The following ATRX variants were observed in gnomAD, a reference collection of about 807,000 sequenced individuals.
ATRX encodes ATRX chromatin remodeler.
A neutral mutation model predicts 172.6 loss-of-function variants in ATRX; 12 were observed. The ratio of observed to expected loss-of-function variants is 0.07; its 90% CI spans 0.04 to 0.11. The LOEUF (loss-of-function observed/expected upper bound fraction) is 0.11, where lower values mean the gene tolerates loss of function less well. ATRX is among the 10% of genes least tolerant of loss of function. The pLI is 1.00. For synonymous variants in ATRX, 674 were observed against 594.7 expected (o/e 1.13, Z -1.94); for missense variants, 1,368 against 1,767.4 (o/e 0.77, Z 4.05).
At chrX:77,534,145 T>C (rs891184199) in intron 30 of ATRX, among the ~76,000 whole-genome samples, 8 of 111,951 alleles carry the variant, frequency 7.1e-5, no homozygotes, top group Admixed American at 9.5e-5. Context: ...AGTTAACTGG[T>C]TTTTTAAATT....
At chrX:77,691,936 G>C (rs2071913187) in intron 6 of ATRX, among the ~76,000 whole-genome samples, 1 of 111,883 alleles carries the variant, frequency 8.9e-6, no homozygotes, top group Non-Finnish European at 1.9e-5. Flanking sequence ...GGCTATAAAT[G>C]CATGTATTCC....
At position 77,506,889 on chromosome X, in the gene ATRX, C is replaced by G. The variant is rs1557033340; in HGVS notation, c.*1462G>C. On this transcript the variant is annotated 3_prime_UTR_variant, in exon 35 of 35. Transcript: ENST00000373344. ...GTGATACCTAAAGCAAAGCCCAAAC[C>G]CAGTTTTCTTTTTTTTTTTTTTTTT... 1 of 159,429 alleles carries G rather than the reference C, an allele frequency of 6.3e-6. No homozygotes were observed. The highest frequency in any genetic ancestry group is 1.2e-5 in the Non-Finnish European group (1 of 86,124). 13.1% of individuals were successfully genotyped at this position (159,429 alleles called of 1,213,427 possible). A position where few individuals can be genotyped will look rare whatever the true frequency, so the allele number is the denominator to read the frequency against.
intron 1 of ATRX, among the ~76,000 whole-genome samples, chrX:77,745,787 G>T (rs2075048702): frequency 9.0e-6 from 1 of 111,652 alleles, no homozygotes; most frequent in Non-Finnish European, 1.9e-5. Context: ...TTAGAAACTA[G>T]ATTGTTTCTA....
At chrX:77,566,115 C>T (rs927235031) in intron 28 of ATRX, among the ~76,000 whole-genome samples, 1 of 111,134 alleles carries the variant, frequency 9.0e-6, no homozygotes, top group African/African-American at 3.3e-5. Context: ...GAAATAATGA[C>T]TGAAAATTAC....
intron 9 of ATRX, among the ~76,000 whole-genome samples, chrX:77,677,455 T>C (rs781920036): frequency 1.8e-5 from 2 of 111,786 alleles, no homozygotes; most frequent in South Asian, 7.5e-4. Context: ...ATAATGGAAC[T>C]GGTTTGATAT....
intron 15 of ATRX, among the ~76,000 whole-genome samples, chrX:77,645,135 G>A (rs782359269): frequency 9.0e-6 from 1 of 111,288 alleles, no homozygotes; most frequent in Non-Finnish European, 1.9e-5. Context: ...AAAGTTAGCT[G>A]AGGATTCTTT....
chrX:77,598,272 G>A (rs1036039289), intron 25 of ATRX, among the ~76,000 whole-genome samples: 3 of 110,054 alleles, frequency 2.7e-5, no homozygotes, highest in African/African-American at 9.9e-5. Flanking sequence ...CGACAGACAC[G>A]GAGGACTACT....
intron 1 of ATRX, among the ~76,000 whole-genome samples, chrX:77,729,053 C>T (rs2074180109): frequency 9.4e-6 from 1 of 106,827 alleles, no homozygotes; most frequent in Non-Finnish European, 1.9e-5. Context: ...AGCCACCGCA[C>T]CTGGCCCAAA....
chrX:77,762,743 A>C (rs1459841253), intron 1 of ATRX, among the ~76,000 whole-genome samples: 2 of 111,542 alleles, frequency 1.8e-5, no homozygotes, highest in African/African-American at 6.5e-5. Context: ...AAAGAAGAGT[A>C]AAATGTTAAA....
intron 2 of ATRX, among the ~76,000 whole-genome samples, chrX:77,703,047 C>A (rs1232315478): frequency 2.7e-5 from 3 of 112,653 alleles, no homozygotes; most frequent in African/African-American, 9.7e-5. Context: ...CATTAAACAT[C>A]CTTGAGATAC....
rs1240589830 is a variant in ATRX, at chrX:77,550,283, T to C, written c.6699+7168A>G. On this transcript the variant is annotated intron_variant, in intron 30 of 34. Transcript: ENST00000373344. ...ATTATCCACCATGATCAAGTGGGCT[T>C]CATCCCTGGGATGCAAGGCTGGTTC... 2.7e-5 allele frequency among the ~76,000 whole-genome samples: 3 copies of C among 112,088 alleles called. No homozygotes were observed. The Admixed American group carries it at 2.8e-4, about 11-fold the overall frequency.
chrX:77,536,236 GA>G (rs1569518757), intron 30 of ATRX, among the ~76,000 whole-genome samples: 1 of 111,247 alleles, frequency 9.0e-6, no homozygotes, highest in Non-Finnish European at 1.9e-5. Flanking sequence ...CTTAGAGAAA[GA>G]AAACATTAAT....
chrX:77,620,822 T>C (rs1484740259), intron 19 of ATRX, among the ~76,000 whole-genome samples: 1 of 111,603 alleles, frequency 9.0e-6, no homozygotes, highest in Non-Finnish European at 1.9e-5. Context: ...AGGGAAAAAG[T>C]TCCCCCAACA....
intron 2 of ATRX, among the ~76,000 whole-genome samples, chrX:77,699,162 C>T (rs1264554175): frequency 9.1e-6 from 1 of 110,024 alleles, no homozygotes; most frequent in African/African-American, 3.3e-5. Context: ...GAGATAGGGT[C>T]TCACTCCATT....
intron 30 of ATRX, among the ~76,000 whole-genome samples, chrX:77,526,746 C>T (rs1481328012): frequency 1.8e-5 from 2 of 112,312 alleles, no homozygotes; most frequent in Non-Finnish European, 1.9e-5. Context: ...TAATACCACG[C>T]ACTATTTTAC....
intron 10 of ATRX, among the ~76,000 whole-genome samples, chrX:77,666,304 T>A (rs1339404470): frequency 8.9e-6 from 1 of 112,155 alleles, no homozygotes; most frequent in Admixed American, 9.5e-5. Context: ...AGTTGAGCTA[T>A]AAAGTTTTGC....
chrX:77,724,192 C>G (rs1353859372), intron 1 of ATRX, among the ~76,000 whole-genome samples: 2 of 109,883 alleles, frequency 1.8e-5, no homozygotes, highest in East Asian at 5.7e-4. Flanking sequence ...GCAGGAGAAT[C>G]ACTTGAGCCG....
At position 77,682,233 on chromosome X, in the gene ATRX, T is replaced by C. The variant is rs1557138354; in HGVS notation, c.3023A>G (p.Gln1008Arg). ...AGTGCCATCAGATGAAGATTCATACTGTTGTTCCATTTTAATTACTTTTTT... is the reference window on the plus strand; with the variant it reads ...AGTGCCATCAGATGAAGATTCATACCGTTGTTCCATTTTAATTACTTTTTT... ...FKKKVIKMEQ[Q>R]YESSSDGTEK... Residue 1008 changes from glutamine (Q) to arginine (R), a missense_variant, in exon 9 of 35, where the codon CAG becomes CGG. Transcript: ENST00000373344. The C allele has an allele frequency of 3.3e-6, 4 of 1,205,789 alleles. No homozygotes were observed. The highest frequency in any genetic ancestry group is 2.3e-4 in the Middle Eastern group (1 of 4,352).
intron 27 of ATRX, among the ~76,000 whole-genome samples, chrX:77,575,179 AAC>A (rs1259962333): frequency 3.6e-5 from 4 of 110,910 alleles, no homozygotes; most frequent in Non-Finnish European, 7.6e-5. Flanking sequence ...CTTAAAATAA[AAC>A]AGTTAACAAA....
Sources: allele counts gnomAD v4.1 joint callset (sites outside exome capture counted in the v4.1 genomes callset), GRCh38; gene constraint gnomAD v4.1.1; transcripts MANE v1.5; gene names NCBI Gene and HGNC (gene_info 2026-07-23, HGNC 2026-07-21).